Variants in ENDOV observed in about 807,000 individuals in gnomAD.
ENDOV encodes the protein hEndoV.
Under a neutral mutation model 39.4 loss-of-function variants are expected in ENDOV, and 37 were observed. The observed-to-expected ratio is 0.94, with a 90% CI of 0.72 to 1.23. The LOEUF is 1.23. Ranked by LOEUF, ENDOV falls within the 50% of genes most tolerant of loss-of-function variation. The pLI is 0.00. For missense variants in ENDOV, 441 were observed against 375.7 expected (o/e 1.17, Z -1.44); for synonymous variants, 186 against 163.4 (o/e 1.14, Z -1.05).
chr17:80,419,709 G>A (rs1568213269), intron 2 of ENDOV: 10 of 701,332 alleles, frequency 1.4e-5, no homozygotes, highest in Non-Finnish European at 2.6e-5. Context: ...ATGACGTCCA[G>A]CTTCTTCACT....
Position 80,436,227 on chromosome 17 carries a change from C to G in ENDOV, c.*84C>G, listed in dbSNP as rs187111921. 2 of 1,537,592 alleles carry G rather than the reference C, an allele frequency of 1.3e-6. No homozygotes were observed. Among genetic ancestry groups the G allele is most frequent in the East Asian group, 4.8e-5 (2 of 41,896 alleles). On this transcript the variant is annotated 3_prime_UTR_variant, in exon 10 of 10. Coordinates refer to ENST00000518137, the MANE Select transcript of ENDOV (RefSeq NM_173627.5). Reference sequence around the variant, plus strand: ...CACACGTCCTCGTCTCGTTCCTGATCGAACGCGGTGGTGAGAGCACACATC... The same window carrying G: ...CACACGTCCTCGTCTCGTTCCTGATGGAACGCGGTGGTGAGAGCACACATC...
rs534443838 is a variant in ENDOV at position 80,437,469 on chromosome 17, G to C, written c.*1326G>C. ...GGCCTCTCAGGAAGCTTTGCCACTG[G>C]GCTTGGGGTTAAGTGGGTGTGGGGC... On this transcript the variant is annotated 3_prime_UTR_variant, in exon 10 of 10. Coordinates refer to ENST00000518137, the MANE Select transcript of ENDOV (RefSeq NM_173627.5). 6.5e-6 allele frequency: 1 copy of C among 152,920 alleles called. No individual in the cohort carries two copies. The highest frequency in any genetic ancestry group is 2.1e-4 in the South Asian group (1 of 4,832). The allele number at this position is 152,920 out of a possible 1,614,324, so 9.5% of individuals were successfully genotyped here. A position where few individuals can be genotyped will look rare whatever the true frequency, so the allele number is the denominator to read the frequency against.
chr17:80,430,046 G>A lies in ENDOV; in HGVS notation c.838+215G>A, dbSNP rs957991158. 52 of 1,535,690 alleles carry A rather than the reference G, an allele frequency of 3.4e-5. No homozygotes were observed. The Admixed American group carries it at 9.2e-4, about 27-fold the overall frequency. On this transcript the variant is annotated intron_variant, in intron 9 of 9. Transcript: ENST00000518137. ...GAACCTCATCTCAGCCGCAGGTGGAGCACCCAGTCCCCAAAGACAGGCTGA... is the reference window on the plus strand; with the variant it reads ...GAACCTCATCTCAGCCGCAGGTGGAACACCCAGTCCCCAAAGACAGGCTGA...
In ENDOV at chr17:80,436,441, G is replaced by A. The variant is rs1311093327; in HGVS notation, c.*298G>A. 63 of 1,202,722 alleles carry A rather than the reference G, an allele frequency of 5.2e-5. No individual in the cohort carries two copies. The highest frequency in any genetic ancestry group is 6.2e-5 in the Non-Finnish European group (57 of 912,554). 74.5% of individuals were successfully genotyped at this position (1,202,722 alleles called of 1,614,324 possible). ...GGATGCTCTTCATCCAGCTGAAGAC[G>A]GTCCCTTCTAGTCCTAATTTGTTAA... On this transcript the variant is annotated 3_prime_UTR_variant, in exon 10 of 10. Transcript: ENST00000518137.
At chr17:80,431,415 C>A (rs2145132395) in intron 9 of ENDOV, among the ~76,000 whole-genome samples, 1 of 152,278 alleles carries the variant, frequency 6.6e-6, no homozygotes, top group Middle Eastern at 3.4e-3. Context: ...CTAGAAATTT[C>A]TATAAGAAGT....
chr17:80,421,720 G>T, intron 2 of ENDOV, 108 bp from the exon 3 acceptor site: 1 of 1,403,380 alleles, frequency 7.1e-7, no homozygotes, highest in East Asian at 2.5e-5. Flanking sequence ...AGCCATGAGG[G>T]TGACGTAAGG....
At chr17:80,422,270 G>A (rs760692445) in intron 4 of ENDOV, 25 bp downstream of exon 4, 7 of 1,613,236 alleles carry the variant, frequency 4.3e-6, no homozygotes, top group Non-Finnish European at 5.9e-6. Flanking sequence ...GGAGGTCCAG[G>A]GAGGGCACTG....
chr17:80,416,230 T>TC (rs1204079119), intron 2 of ENDOV: 2 of 71,076 alleles, frequency 2.8e-5, no homozygotes, highest in Non-Finnish European at 4.8e-5. Flanking sequence ...AGAGCGAAAC[T>TC]CCATCTCAAA....
chr17:80,429,636 C>A, intron 8 of ENDOV, 137 bp from the exon 9 acceptor site: 1 of 804,436 alleles, frequency 1.2e-6, no homozygotes, highest in Non-Finnish European at 2.0e-6. Flanking sequence ...GCGTGCTCTG[C>A]CCTGCCCTCT....
At chr17:80,432,538 C>T (rs528794640) in intron 9 of ENDOV, among the ~76,000 whole-genome samples, 5 of 152,084 alleles carry the variant, frequency 3.3e-5, no homozygotes, top group Non-Finnish European at 7.4e-5. Flanking sequence ...TGGGGCATGC[C>T]GTCCAGGTTG....
In ENDOV at chr17:80,427,869, G is replaced by A. The variant is rs117336732; in HGVS notation, c.715-727G>A. 61 of 1,248,494 alleles carry A rather than the reference G, an allele frequency of 4.9e-5. No homozygotes were observed. The East Asian group carries it at 2.0e-3, about 41-fold the overall frequency. 77.3% of individuals were successfully genotyped at this position (1,248,494 alleles called of 1,614,324 possible). On this transcript the variant is annotated intron_variant, in intron 7 of 9. Coordinates refer to ENST00000518137, the MANE Select transcript of ENDOV (RefSeq NM_173627.5). ...GGGGAAGGTGAGAGGTGCTGGCCCC[G>A]CCTACCGCTGCCCCACTTCCCCCAT... is the stretch of plus-strand genomic sequence containing the variant.
intron 7 of ENDOV, among the ~76,000 whole-genome samples, chr17:80,426,689 T>C (rs2082724423): frequency 6.6e-6 from 1 of 152,182 alleles, no homozygotes; most frequent in East Asian, 1.9e-4. Flanking sequence ...CAGGAAGGTG[T>C]GGCCGGAGCC....
chr17:80,432,313 C>T (rs542567005), intron 9 of ENDOV, among the ~76,000 whole-genome samples: 3 of 152,214 alleles, frequency 2.0e-5, no homozygotes, highest in South Asian at 4.1e-4. Flanking sequence ...AGGAATGAGG[C>T]ATCAGTGGTC....
intron 2 of ENDOV, chr17:80,416,169 G>A (rs1298182150): frequency 1.0e-5 from 2 of 190,564 alleles, no homozygotes; most frequent in South Asian, 7.0e-5. Context: ...CCCGGGAGGC[G>A]GAGGTTGCGG....
chr17:80,428,878 T>C (rs1479814456), intron 8 of ENDOV, among the ~76,000 whole-genome samples: 1 of 152,202 alleles, frequency 6.6e-6, no homozygotes, highest in Non-Finnish European at 1.5e-5. Flanking sequence ...GAAACACCAC[T>C]GCCTCCACGC....
In ENDOV at chr17:80,428,657, C is replaced by G. The variant is rs544071697; in HGVS notation, c.776C>G (p.Pro259Arg). The G allele has an allele frequency of 6.3e-7, 1 of 1,578,606 alleles. No individual in the cohort carries two copies. Among genetic ancestry groups the G allele is most frequent in the Non-Finnish European group, 8.6e-7 (1 of 1,162,640 alleles). Reference protein sequence around the residue: ...KSLGLPGPPTPRSPKAQRPVA... With the variant: ...KSLGLPGPPTRRSPKAQRPVA... ...CTGGGACTCCCCGGGCCACCCACAC[C>G]GAGGTGAGCACCCAGGGAGGCTGGG... Residue 259 changes from proline to arginine, a missense_variant, in exon 8 of 10, where the codon CCG becomes CGG. Coordinates refer to ENST00000518137, the MANE Select transcript of ENDOV (RefSeq NM_173627.5).
chr17:80,429,213 G>A (rs933602188), intron 8 of ENDOV, among the ~76,000 whole-genome samples: 2 of 152,210 alleles, frequency 1.3e-5, no homozygotes, highest in African/African-American at 2.4e-5. Context: ...GTTTGATCCT[G>A]CTAGCAACCT....
intron 7 of ENDOV, chr17:80,427,418 A>G (rs2082840436): frequency 1.0e-6 from 1 of 985,042 alleles, no homozygotes; most frequent in African/African-American, 1.8e-5. Context: ...GGGAGGGGAC[A>G]CCTGGCCTGT....
At chr17:80,429,606 G>A (rs1445960795) in intron 8 of ENDOV, among the ~76,000 whole-genome samples, 167 bp from the exon 9 acceptor site, 1 of 152,240 alleles carries the variant, frequency 6.6e-6, no homozygotes, top group Non-Finnish European at 1.5e-5. Context: ...CCGCTTGAAT[G>A]CAAGCTGCGT....
Sources: gnomAD v4.1 joint callset for allele counts (sites outside exome capture counted in the v4.1 genomes callset) on GRCh38, gnomAD v4.1.1 for gene constraint, MANE v1.5 for transcripts, NCBI Gene and HGNC (gene_info 2026-07-23, HGNC 2026-07-21) for gene names.